CCDC158: variants seen among roughly 807,000 people sequenced by gnomAD.
The protein encoded by CCDC158 is coiled-coil domain-containing protein 158.
Under a neutral mutation model 138.6 loss-of-function variants are expected in CCDC158, and 116 were observed. That is an observed-to-expected ratio of 0.84 (90% CI 0.72 to 0.98). The LOEUF is 0.98. Ranked by LOEUF, CCDC158 falls within the 50% of genes least tolerant of loss-of-function variation. The pLI is 0.00. For synonymous variants in CCDC158, 436 were observed against 442.4 expected (o/e 0.99, Z 0.18); for missense variants, 1,265 against 1,306.1 (o/e 0.97, Z 0.48).
intron 3 of CCDC158, among the ~76,000 whole-genome samples, chr4:76,399,606 A>C (rs1728156978): frequency 6.6e-6 from 1 of 152,218 alleles, no homozygotes; most frequent in African/African-American, 2.4e-5. Flanking sequence ...TGTAGAGTGA[A>C]TGGATGGTGA....
chr4:76,420,329 A>C (rs1247626392), intron 1 of CCDC158, among the ~76,000 whole-genome samples: 1 of 152,158 alleles, frequency 6.6e-6, no homozygotes, highest in South Asian at 2.1e-4. Flanking sequence ...CCAGTCAAAA[A>C]ACCTGGGCAA....
intron 1 of CCDC158, among the ~76,000 whole-genome samples, chr4:76,414,616 G>C (rs965270909): frequency 2.6e-5 from 4 of 152,206 alleles, no homozygotes; most frequent in Non-Finnish European, 4.4e-5. Context: ...TGTGTGGGAG[G>C]GACCCAGGAT....
chr4:76,385,482 CA>C (rs893631554), intron 4 of CCDC158, among the ~76,000 whole-genome samples: 3 of 151,986 alleles, frequency 2.0e-5, no homozygotes, highest in Non-Finnish European at 4.4e-5. Context: ...AATAAGTGAT[CA>C]GGGGAGAAAG....
chr4:76,405,423 T>C (rs748618427), intron 2 of CCDC158, among the ~76,000 whole-genome samples: 1 of 152,194 alleles, frequency 6.6e-6, no homozygotes, highest in East Asian at 1.9e-4. Flanking sequence ...CTGTAAAATG[T>C]GGCAGTGTCT....
chr4:76,417,824 A>G (rs1729818455), intron 1 of CCDC158, among the ~76,000 whole-genome samples: 1 of 152,174 alleles, frequency 6.6e-6, no homozygotes, highest in African/African-American at 2.4e-5. Context: ...ATAACTTCTT[A>G]AAAGAAATGC....
intron 8 of CCDC158, among the ~76,000 whole-genome samples, chr4:76,382,147 T>A (rs1213099474): frequency 6.6e-6 from 1 of 152,216 alleles, no homozygotes; most frequent in Non-Finnish European, 1.5e-5. Flanking sequence ...TCATGAGATC[T>A]GATGATTTAA....
In CCDC158 at chr4:76,396,537, G is replaced by A. The variant is rs1194929959; in HGVS notation, c.71-51C>T. On this transcript the variant is annotated intron_variant, in intron 3 of 24. Coordinates refer to ENST00000682701, the MANE Select transcript of CCDC158 (RefSeq NM_001394954.1). ...AACTTTTCGTTTTTTTTGAGAAGGA[G>A]TTTCACTGTTATTGCCCAGGCTGGA... 5.1e-6 allele frequency: 7 copies of A among 1,379,338 alleles called. No individual in the cohort carries two copies. The African/African-American group carries it at 5.8e-5, about 11-fold the overall frequency. 85.4% of individuals were successfully genotyped at this position (1,379,338 alleles called of 1,614,324 possible). A position where few individuals can be genotyped will look rare whatever the true frequency, so the allele number is the denominator to read the frequency against.
chr4:76,354,256 A>AT (rs1723328219), intron 15 of CCDC158, among the ~76,000 whole-genome samples: 1 of 146,248 alleles, frequency 6.8e-6, no homozygotes, highest in Non-Finnish European at 1.5e-5. Context: ...AAAAAAAAAA[A>AT]GGAGAAAGAA....
intron 6 of CCDC158, 66 bp from the exon 7 acceptor site, chr4:76,383,804 T>C: frequency 8.9e-7 from 1 of 1,129,036 alleles, no homozygotes; most frequent in Non-Finnish European, 1.3e-6. Context: ...ATCTGGAGAT[T>C]TTCAACTAAA....
chr4:76,396,248 C>A, intron 4 of CCDC158, 21 bp downstream of exon 4: 1 of 1,554,690 alleles, frequency 6.4e-7, no homozygotes, highest in Non-Finnish European at 8.9e-7. Flanking sequence ...GCATCAGGTG[C>A]TAGAAGAGAA....
At chr4:76,402,273 G>T (rs958393729) in intron 3 of CCDC158, 4 of 152,230 alleles carry the variant, frequency 2.6e-5, no homozygotes, top group Non-Finnish European at 5.9e-5. Flanking sequence ...AGTGTTGTAG[G>T]TTCCCTTTCT....
At chr4:76,355,208 T>C (rs1321459389) in intron 15 of CCDC158, 116 bp downstream of exon 15, 5 of 695,430 alleles carry the variant, frequency 7.2e-6, no homozygotes, top group African/African-American at 7.0e-5. Flanking sequence ...TTCTCTCACC[T>C]AGAAATAAGC....
intron 3 of CCDC158, among the ~76,000 whole-genome samples, chr4:76,401,908 G>A (rs1014129758): frequency 2.0e-5 from 3 of 152,240 alleles, no homozygotes; most frequent in African/African-American, 7.2e-5. Context: ...CAGGGGAGAT[G>A]GGTGTGGTAA....
chr4:76,348,360 G>A (rs558170289), intron 18 of CCDC158, among the ~76,000 whole-genome samples: 38 of 149,260 alleles, frequency 2.5e-4, no homozygotes, highest in Middle Eastern at 3.4e-3. Context: ...GCGTGAACCC[G>A]GAAGGCGGAG....
chr4:76,411,507 G>A (rs1729296448), intron 2 of CCDC158, among the ~76,000 whole-genome samples: 1 of 152,196 alleles, frequency 6.6e-6, no homozygotes. Context: ...GCAATATTGA[G>A]TTTCATATAG....
rs114955260 is a variant in CCDC158, at chr4:76,326,122, G to A, written c.3011-107C>T. The stretch of plus-strand genomic sequence containing the variant: ...ATGAGAAAATGTTCCCAATGGTGGA[G>A]GGACAGGGGGACATTCTTCTAAATA... On this transcript the variant is annotated intron_variant, in intron 22 of 24. Transcript: ENST00000682701. 1,876 of 837,106 alleles carry A rather than the reference G, an allele frequency of 2.2e-3. 5 individuals are homozygous for A. The highest frequency in any genetic ancestry group is 5.9e-3 in the Middle Eastern group (24 of 4,082). 51.9% of individuals were successfully genotyped at this position (837,106 alleles called of 1,614,324 possible).
chr4:76,374,944 C>G (rs1725578240), intron 9 of CCDC158, among the ~76,000 whole-genome samples: 1 of 152,148 alleles, frequency 6.6e-6, no homozygotes, highest in Admixed American at 6.6e-5. Flanking sequence ...CCTCCAGCCC[C>G]CTGCAGGAAC....
At chr4:76,418,754 C>T (rs887075187) in intron 1 of CCDC158, among the ~76,000 whole-genome samples, 22 of 152,134 alleles carry the variant, frequency 1.4e-4, no homozygotes, top group African/African-American at 4.1e-4. Flanking sequence ...GGGTCCCTCC[C>T]GCAACACACG....
At chr4:76,368,640 GTGCACCGGAATGGAA>G (rs752165752) in intron 11 of CCDC158, among the ~76,000 whole-genome samples, 17 of 152,118 alleles carry the variant, frequency 1.1e-4, no homozygotes, top group Admixed American at 6.5e-4. Flanking sequence ...CTACTGGAGG[GTGCACCGGAATGGAA>G]TGCACTCATC....
Sources: allele counts gnomAD v4.1 joint callset (sites outside exome capture counted in the v4.1 genomes callset), GRCh38; gene constraint gnomAD v4.1.1; transcripts MANE v1.5; gene names NCBI Gene and HGNC (gene_info 2026-07-23, HGNC 2026-07-21).